CHD4: variants seen among roughly 807,000 people sequenced by gnomAD.
CHD4 encodes the protein chromodomain helicase DNA binding protein 4.
A neutral mutation model predicts 235.5 loss-of-function variants in CHD4; 35 were observed. The observed-to-expected ratio is 0.15, with a 90% confidence interval of 0.11 to 0.20. CHD4 has a LOEUF of 0.20. Ranked by LOEUF, CHD4 falls within the 10% of genes least tolerant of loss-of-function variation. CHD4 has a pLI of 1.00. For missense variants in CHD4, 1,329 were observed against 2,432.3 expected (o/e 0.55, Z 9.54); for synonymous variants, 900 against 850.2 (o/e 1.06, Z -1.02).
intron 37 of CHD4, 73 bp from the exon 38 acceptor site, chr12:6,573,342 C>T: frequency 8.0e-7 from 1 of 1,253,322 alleles, no homozygotes; most frequent in South Asian, 1.8e-5. Flanking sequence ...GGCCTCTCAG[C>T]TCACCTCTCA....
In CHD4 at chr12:6,579,588, C is replaced by CAA. The variant is rs1191325394; in HGVS notation, c.4910-673_4910-672dup. On this transcript the variant is annotated intron_variant, in intron 33 of 39. Coordinates refer to ENST00000544040, the MANE Select transcript of CHD4 (RefSeq NM_001273.5). ...TGGGCGACGGAGCAAGACTCCATCTCAAAAAAAAAAAAAACAACAACAAAA... is the reference window on the plus strand; with the variant it reads ...TGGGCGACGGAGCAAGACTCCATCTCAAAAAAAAAAAAAAAACAACAACAAAA... 5.9e-3 allele frequency: 723 copies of CAA among 122,534 alleles called. 7 individuals carry two copies. The highest frequency in any genetic ancestry group is 0.018 in the African/African-American group (574 of 32,214). 7.6% of individuals were successfully genotyped at this position (122,534 alleles called of 1,614,324 possible). A position where few individuals can be genotyped will look rare whatever the true frequency, so the allele number is the denominator to read the frequency against.
At chr12:6,594,354 G>T in intron 15 of CHD4, 105 bp downstream of exon 15, 1 of 1,026,336 alleles carries the variant, frequency 9.7e-7, no homozygotes, top group Non-Finnish European at 1.4e-6. Flanking sequence ...GTTCTTGAAG[G>T]TCAGAGACCA....
intron 14 of CHD4, 112 bp from the exon 15 acceptor site, chr12:6,594,762 C>T (rs1412176570): frequency 1.8e-5 from 17 of 919,252 alleles, no homozygotes; most frequent in African/African-American, 5.0e-5. Context: ...GGAAGAGCTC[C>T]GGAAAATTCG....
Position 6,570,911 on chromosome 12 carries a change from G to C in CHD4, c.5679C>G (p.Leu1893=). ...VRLQMSERNI[L]SRLANRAPEP... is the part of the protein sequence containing the mutation. ...CGGGTGCCCGGTTTGCCAGGCGGCT[G>C]AGAATGTTACGCTCTGACATCTGTA... The change falls in exon 39 of 40, where the codon CTC becomes CTG. Residue 1893 remains leucine (L), a synonymous_variant. Coordinates refer to ENST00000544040, the MANE Select transcript of CHD4 (RefSeq NM_001273.5). 1 of 1,614,226 alleles carries C rather than the reference G, an allele frequency of 6.2e-7. No homozygotes were observed. Among genetic ancestry groups the C allele is most frequent in the Non-Finnish European group, 8.5e-7 (1 of 1,180,036 alleles).
intron 33 of CHD4, chr12:6,580,639 G>T (rs7311397): frequency 3.0e-5 from 5 of 169,352 alleles, no homozygotes; most frequent in African/African-American, 1.0e-4. Context: ...CTCAGGAGGC[G>T]GAGGTTGCAG....
intron 25 of CHD4, 160 bp from the exon 26 acceptor site, chr12:6,583,538 G>T (rs956467107): frequency 3.1e-5 from 19 of 617,590 alleles, no homozygotes; most frequent in East Asian, 2.7e-4. Flanking sequence ...AAATTTGATT[G>T]AGAGTACACA....
In CHD4 at chr12:6,582,294, G is replaced by A; in HGVS notation, c.4371-13C>T. ...AGAGACATATGCCCTGTGTAAAGAA[G>A]TAGAGAAAGAGTTAAATAGGGATCA... On this transcript the variant is annotated splice_polypyrimidine_tract_variant and intron_variant, in intron 29 of 39. Transcript: ENST00000544040. The A allele has an allele frequency of 1.3e-6, 2 of 1,549,024 alleles. No homozygotes were observed. Among genetic ancestry groups the A allele is most frequent in the African/African-American group, 1.4e-5 (1 of 72,002 alleles).
intron 15 of CHD4, among the ~76,000 whole-genome samples, 179 bp downstream of exon 15, chr12:6,594,280 A>G (rs769346271): frequency 5.3e-5 from 8 of 152,080 alleles, no homozygotes; most frequent in Non-Finnish European, 7.4e-5. Context: ...GTGTTTATCC[A>G]CTATCACATT....
chr12:6,592,616 AG>A (rs1402764742), intron 18 of CHD4, 50 bp from the exon 19 acceptor site: 1 of 1,585,014 alleles, frequency 6.3e-7, no homozygotes. Context: ...AAAGGAAGAA[AG>A]AAAAGTGATA....
chr12:6,589,161 C>T (rs973162670), intron 22 of CHD4, among the ~76,000 whole-genome samples: 4 of 152,106 alleles, frequency 2.6e-5, no homozygotes, highest in Non-Finnish European at 5.9e-5. Flanking sequence ...AAGAGAATAG[C>T]TTGAACCCGG....
chr12:6,589,040 G>A (rs1327383257), intron 22 of CHD4, among the ~76,000 whole-genome samples: 1 of 152,060 alleles, frequency 6.6e-6, no homozygotes, highest in Non-Finnish European at 1.5e-5. Context: ...CTGTGGTCAG[G>A]AGTTCGAGAC....
chr12:6,578,394 C>T lies in CHD4; in HGVS notation c.5119+15G>A. The T allele has an allele frequency of 6.2e-7, 1 of 1,608,988 alleles. No homozygotes were observed. The highest frequency in any genetic ancestry group is 2.2e-5 in the East Asian group (1 of 44,874). ...TCAGATCCTTCTAACCCTGGTGGGC[C>T]CCTCATTTCCATACCAGTAAAACCA... On this transcript the variant is annotated intron_variant, in intron 35 of 39. Transcript: ENST00000544040.
chr12:6,595,831 G>A (rs1025084747), intron 13 of CHD4, among the ~76,000 whole-genome samples, 175 bp downstream of exon 13: 4 of 150,506 alleles, frequency 2.7e-5, no homozygotes, highest in Non-Finnish European at 4.4e-5. Flanking sequence ...GGTGGCGTAT[G>A]CAAATAATCC....
intron 12 of CHD4, among the ~76,000 whole-genome samples, chr12:6,596,988 G>C (rs901243132): frequency 6.7e-6 from 1 of 149,320 alleles, no homozygotes; most frequent in East Asian, 2.0e-4. Flanking sequence ...TAAATAAATA[G>C]GCCGAGTGCG....
At position 6,593,527 on chromosome 12, in the gene CHD4, C is replaced by T; in HGVS notation, c.2403G>A (p.Met801Ile). 2.5e-6 allele frequency: 4 copies of T among 1,614,174 alleles called. No individual in the cohort carries two copies. The African/African-American group carries it at 5.3e-5, about 22-fold the overall frequency. Reference protein sequence around the residue: ...EREFEMWAPDMYVVTYVGDKD... With the variant: ...EREFEMWAPDIYVVTYVGDKD... ...TGTCACCCACATAGGTTACGACATA[C>T]ATGTCTGGAGCCCACATTTCAAACT... The change falls in exon 16 of 40, where the codon ATG (methionine) becomes ATA (isoleucine). Residue 801 changes from methionine to isoleucine, a missense_variant. This residue lies in a region of CHD4 where 78 missense variants were observed against 174.8 expected (regional missense o/e 0.45). Coordinates refer to ENST00000544040, the MANE Select transcript of CHD4 (RefSeq NM_001273.5). The surrounding 1 kb of genome is among the most constrained non-coding windows in gnomAD (Gnocchi z 4.9).
At position 6,594,621 on chromosome 12, in the gene CHD4, C is replaced by T. The variant is rs752422112; in HGVS notation, c.2151G>A (p.Glu717=). 1 of 1,613,840 alleles carries T rather than the reference C, an allele frequency of 6.2e-7. No homozygotes were observed. Among genetic ancestry groups the T allele is most frequent in the South Asian group, 1.1e-5 (1 of 91,030 alleles). Residue 717 remains glutamate (E), a synonymous_variant, in exon 15 of 40, where the codon GAG becomes GAA. Coordinates refer to ENST00000544040, the MANE Select transcript of CHD4 (RefSeq NM_001273.5). ...DPTVKYERQP[E]YLDATGGTLH... The stretch of plus-strand genomic sequence containing the variant: ...GGGTTCCACCTGTAGCATCCAGGTA[C>T]TCTGGCTGTCGCTCATACTTCACTG...
rs991496285 is a variant in CHD4, at chr12:6,592,215, A to G, written c.2949-158T>C. ...ACCACCACCACCATTTTAAATAAGG[A>G]AAGGTATAACCTAAAATAAGTAAGA... On this transcript the variant is annotated intron_variant, in intron 19 of 39. Coordinates refer to ENST00000544040, the MANE Select transcript of CHD4 (RefSeq NM_001273.5). Among the ~76,000 whole-genome samples, 18 of 152,268 alleles carry G rather than the reference A, an allele frequency of 1.2e-4. 1 individual carries two copies. The highest frequency in any genetic ancestry group is 9.2e-4 in the Admixed American group (14 of 15,290).
In CHD4 at chr12:6,605,140, C is replaced by A. The variant is rs975619451; in HGVS notation, c.100+1134G>T. Among the ~76,000 whole-genome samples the A allele has an allele frequency of 3.3e-5, 5 of 152,178 alleles. No individual in the cohort carries two copies. In the East Asian group the frequency reaches 7.7e-4, roughly 23 times the overall value. On this transcript the variant is annotated intron_variant, in intron 2 of 39. Coordinates refer to ENST00000544040, the MANE Select transcript of CHD4 (RefSeq NM_001273.5). ...TAAAAAGTGCCAAATGTGAAAGCAT[C>A]TCTCCCAGACCACCTCAACTTCCAC...
rs1948592139 is a variant in CHD4 at position 6,601,583 on chromosome 12, AAG to A, written c.558-55_558-54del. The stretch of plus-strand genomic sequence containing the variant: ...GGAAAGGTTTAAGAATAAAAAAAGA[AAG>A]AGAAGTAAGAAGAGAGAACAGAAAG... On this transcript the variant is annotated intron_variant, in intron 5 of 39. Transcript: ENST00000544040. 3.7e-6 allele frequency: 6 copies of A among 1,612,776 alleles called. No individual in the cohort carries two copies. The South Asian group carries it at 5.5e-5, about 15-fold the overall frequency.
Sources: allele counts gnomAD v4.1 joint callset (sites outside exome capture counted in the v4.1 genomes callset), GRCh38; gene constraint gnomAD v4.1.1; regional missense constraint gnomAD v4.1.1; non-coding constraint Gnocchi (gnomAD v3.1); transcripts MANE v1.5; gene names NCBI Gene and HGNC (gene_info 2026-07-23, HGNC 2026-07-21).